The following MACROD2 variants were observed in gnomAD, a reference collection of about 807,000 sequenced individuals.
MACROD2 encodes mono-ADP ribosylhydrolase 2.
Under a neutral mutation model 70.4 loss-of-function variants are expected in MACROD2, and 36 were observed. That is an observed-to-expected ratio of 0.51 (90% CI 0.39 to 0.68). The LOEUF (loss-of-function observed/expected upper bound fraction) is 0.68, where lower values mean the gene tolerates loss of function less well. Among genes scored for constraint, MACROD2 ranks in the 30% least tolerant of loss-of-function variants. The pLI, the probability that MACROD2 is intolerant of heterozygous loss-of-function variation, is 0.00. For missense variants in MACROD2, 496 were observed against 538.4 expected (o/e 0.92, Z 0.78); for synonymous variants, 172 against 178.8 (o/e 0.96, Z 0.30).
chr20:14,470,316 G>A (rs1016844129), intron 3 of MACROD2, among the ~76,000 whole-genome samples: 1 of 152,080 alleles, frequency 6.6e-6, no homozygotes, highest in Non-Finnish European at 1.5e-5. Context: ...TTTCAGAGGG[G>A]CATCTGCCAG....
intron 5 of MACROD2, among the ~76,000 whole-genome samples, chr20:15,225,062 T>G (rs891866176): frequency 1.3e-5 from 2 of 152,048 alleles, no homozygotes; most frequent in Non-Finnish European, 2.9e-5. Flanking sequence ...AGTAAAACTT[T>G]AATGGTTGAT....
chr20:16,044,779 A>G (rs890787613), intron 17 of MACROD2, 140 bp downstream of exon 17: 2 of 727,736 alleles, frequency 2.7e-6, no homozygotes, highest in African/African-American at 1.8e-5. Flanking sequence ...TTTAAACCAA[A>G]TAACACAGCG....
rs904771788 is a variant in MACROD2, at chr20:14,456,014, G to T, written c.272-37465G>T. ...AGATGAGGAACAATAGAACAAATTTGCAGTGATTCTATTAAAATATATGAA... is the reference window on the plus strand; with the variant it reads ...AGATGAGGAACAATAGAACAAATTTTCAGTGATTCTATTAAAATATATGAA... On this transcript the variant is annotated intron_variant, in intron 3 of 17. Coordinates refer to ENST00000684519, the MANE Select transcript of MACROD2 (RefSeq NM_001351661.2). Among the ~76,000 whole-genome samples the T allele has an allele frequency of 2.6e-5, 4 of 151,708 alleles. 1 individual carries two copies. Among genetic ancestry groups the T allele is most frequent in the Admixed American group, 6.6e-5 (1 of 15,234 alleles).
chr20:15,009,687 A>G (rs2075066576), intron 5 of MACROD2, among the ~76,000 whole-genome samples: 1 of 152,094 alleles, frequency 6.6e-6, no homozygotes, highest in African/African-American at 2.4e-5. Context: ...AATAGAAGAT[A>G]AACTAAAGAA....
At chr20:15,178,566 C>A (rs1040406327) in intron 5 of MACROD2, among the ~76,000 whole-genome samples, 1 of 152,162 alleles carries the variant, frequency 6.6e-6, no homozygotes, top group Non-Finnish European at 1.5e-5. Flanking sequence ...GAGAAAGATG[C>A]TTTCTCTCTT....
intron 4 of MACROD2, among the ~76,000 whole-genome samples, chr20:14,515,465 G>GCACACGCGCA (rs71190139): frequency 7.9e-6 from 1 of 127,066 alleles, no homozygotes; most frequent in Non-Finnish European, 1.7e-5. Flanking sequence ...ACACACACAC[G>GCACACGCGCA]CACACACACA....
intron 7 of MACROD2, among the ~76,000 whole-genome samples, chr20:15,495,667 T>C (rs969497160): frequency 2.0e-5 from 3 of 152,220 alleles, no homozygotes; most frequent in Non-Finnish European, 4.4e-5. Context: ...GTGCCAGCAA[T>C]GTTTTAGGTA....
At chr20:14,117,382 T>C (rs1247446484) in intron 3 of MACROD2, among the ~76,000 whole-genome samples, 2 of 152,156 alleles carry the variant, frequency 1.3e-5, no homozygotes, top group Non-Finnish European at 2.9e-5. Flanking sequence ...CCTAACTCAA[T>C]GTTGGTCATG....
chr20:16,040,907 G>C (rs1336889899), intron 15 of MACROD2, among the ~76,000 whole-genome samples: 1 of 151,908 alleles, frequency 6.6e-6, no homozygotes. Flanking sequence ...TTAAACTGTA[G>C]GTTGTTCTGA....
At chr20:15,394,165 C>A (rs1032834319) in intron 6 of MACROD2, among the ~76,000 whole-genome samples, 3 of 152,144 alleles carry the variant, frequency 2.0e-5, no homozygotes, top group African/African-American at 7.2e-5. Flanking sequence ...CCTAACAGTG[C>A]AGCAAACGTA....
chr20:14,695,869 G>C (rs78742299), intron 5 of MACROD2, among the ~76,000 whole-genome samples: 5,251 of 152,294 alleles, frequency 0.034, 108 homozygotes, highest in Non-Finnish European at 0.046. Flanking sequence ...GAAACTGTGA[G>C]ATAATACATA....
At chr20:15,316,690 A>G (rs1290540794) in intron 6 of MACROD2, among the ~76,000 whole-genome samples, 1 of 152,044 alleles carries the variant, frequency 6.6e-6, no homozygotes, top group Non-Finnish European at 1.5e-5. Flanking sequence ...CCATACACCA[A>G]CTAGACCTGA....
At chr20:15,572,660 A>G (rs988262950) in intron 8 of MACROD2, among the ~76,000 whole-genome samples, 55 of 152,114 alleles carry the variant, frequency 3.6e-4, no homozygotes, top group Admixed American at 3.5e-3. Context: ...ATGATTTTAT[A>G]TGCTTTTAGT....
At chr20:14,401,020 A>T (rs951544398) in intron 3 of MACROD2, among the ~76,000 whole-genome samples, 1 of 152,208 alleles carries the variant, frequency 6.6e-6, no homozygotes, top group Non-Finnish European at 1.5e-5. Flanking sequence ...ACAGACTTCA[A>T]CCGACTTGGT....
chr20:15,754,613 A>G (rs1268378501), intron 8 of MACROD2, among the ~76,000 whole-genome samples: 1 of 151,618 alleles, frequency 6.6e-6, no homozygotes, highest in Non-Finnish European at 1.5e-5. Flanking sequence ...GCAATAGAGC[A>G]AGACTCTGTC....
At chr20:14,852,898 C>T (rs143226920) in intron 5 of MACROD2, among the ~76,000 whole-genome samples, 16 of 152,202 alleles carry the variant, frequency 1.1e-4, no homozygotes, top group Admixed American at 3.3e-4. Context: ...CACTGTGGCT[C>T]GGAGTCTACA....
intron 5 of MACROD2, among the ~76,000 whole-genome samples, chr20:14,985,244 A>G (rs1350170333): frequency 4.6e-5 from 7 of 152,210 alleles, no homozygotes; most frequent in Non-Finnish European, 1.0e-4. Context: ...TAGTTCATTC[A>G]GTAACGTTTT....
intron 5 of MACROD2, among the ~76,000 whole-genome samples, chr20:14,698,836 A>G (rs924658139): frequency 6.0e-5 from 9 of 150,576 alleles, no homozygotes; most frequent in Non-Finnish European, 1.0e-4. Context: ...ATTTATAATT[A>G]TTAACAAAGT....
At chr20:14,075,931 G>A (rs1448690126) in intron 2 of MACROD2, among the ~76,000 whole-genome samples, 1 of 152,076 alleles carries the variant, frequency 6.6e-6, no homozygotes, top group South Asian at 2.1e-4. Flanking sequence ...CTAAAATTTG[G>A]TCCACAGCCT....
Sources: gnomAD v4.1 joint callset for allele counts (sites outside exome capture counted in the v4.1 genomes callset) on GRCh38, gnomAD v4.1.1 for gene constraint, MANE v1.5 for transcripts, NCBI Gene and HGNC (gene_info 2026-07-23, HGNC 2026-07-21) for gene names.